Variants in WDTC1 observed in about 807,000 individuals in gnomAD.
WDTC1 encodes the protein WD and tetratricopeptide repeats 1, also known as WD and tetratricopeptide repeats protein 1.
In WDTC1, 12 loss-of-function variants were observed where a neutral mutation model predicts 76.0. That is an observed-to-expected ratio of 0.16 (90% CI 0.10 to 0.26). The LOEUF (loss-of-function observed/expected upper bound fraction) is 0.26, where lower values mean the gene tolerates loss of function less well. Ranked by LOEUF, WDTC1 falls within the 10% of genes least tolerant of loss-of-function variation. The pLI, the probability that WDTC1 is intolerant of heterozygous loss-of-function variation, is 1.00. For synonymous variants in WDTC1, 326 were observed against 350.8 expected, an observed-to-expected ratio of 0.93 and a Z score of 0.79; for missense variants, 511 against 908.8, an observed-to-expected ratio of 0.56 and a Z score of 5.63.
At chr1:27,288,920 G>A (rs1407604600) in intron 6 of WDTC1, among the ~76,000 whole-genome samples, 2 of 152,066 alleles carry the variant, frequency 1.3e-5, no homozygotes, top group Non-Finnish European at 2.9e-5. Context: ...CTTCCCAGTA[G>A]GGGTGGCCGG....
chr1:27,239,828 C>CAAA (rs1386333677), intron 1 of WDTC1, among the ~76,000 whole-genome samples: 1 of 147,826 alleles, frequency 6.8e-6, no homozygotes, highest in Non-Finnish European at 1.5e-5. Flanking sequence ...AAAAAAAAAC[C>CAAA]AAAAAAACCC....
At chr1:27,259,845 A>T (rs1570950192) in intron 1 of WDTC1, among the ~76,000 whole-genome samples, 1 of 146,934 alleles carries the variant, frequency 6.8e-6, no homozygotes, top group Non-Finnish European at 1.5e-5. Flanking sequence ...AGATGGCGAG[A>T]CTCCATCTCT....
intron 1 of WDTC1, among the ~76,000 whole-genome samples, chr1:27,240,302 A>T (rs979044217): frequency 6.6e-6 from 1 of 152,204 alleles, no homozygotes; most frequent in Non-Finnish European, 1.5e-5. Flanking sequence ...AAAGTTAAGG[A>T]ATATGCTGGA....
In WDTC1 at chr1:27,294,508, C is replaced by T; in HGVS notation, c.758-6C>T. The T allele has an allele frequency of 4.3e-6, 7 of 1,613,934 alleles. No individual in the cohort carries two copies. Among genetic ancestry groups the T allele is most frequent in the Non-Finnish European group, 5.9e-6 (7 of 1,179,796 alleles). ...GACCCTAGTATGACTGGGCTATTCC[C>T]TGCAGGTCACCTGCCAGTGAAGCTT... On this transcript the variant is annotated splice_region_variant and splice_polypyrimidine_tract_variant and intron_variant, in intron 8 of 15. Transcript: ENST00000319394.
intron 6 of WDTC1, among the ~76,000 whole-genome samples, chr1:27,290,402 T>C (rs1024348565): frequency 6.6e-6 from 1 of 152,180 alleles, no homozygotes; most frequent in Non-Finnish European, 1.5e-5. Flanking sequence ...TTTTTACTTA[T>C]TGGTTTACTT....
intron 3 of WDTC1, among the ~76,000 whole-genome samples, chr1:27,275,624 A>T (rs1409614355): frequency 1.3e-5 from 2 of 151,950 alleles, no homozygotes; most frequent in African/African-American, 2.4e-5. Flanking sequence ...TCTCAAAAAA[A>T]AAAAAAAAAT....
At position 27,261,047 on chromosome 1, in the gene WDTC1, A is replaced by T. The variant is rs1051475403; in HGVS notation, c.-8A>T. On this transcript the variant is annotated 5_prime_UTR_variant, in exon 2 of 16. Coordinates refer to ENST00000319394, the MANE Select transcript of WDTC1 (RefSeq NM_001276252.2). ...TATAGCTTCCTTCTGTTGAACCATT[A>T]AGAAAAGATGGCGAAAGTCAACATA... The T allele has an allele frequency of 1.9e-6, 3 of 1,614,024 alleles. No individual in the cohort carries two copies. Among genetic ancestry groups the T allele is most frequent in the Non-Finnish European group, 2.5e-6 (3 of 1,180,028 alleles).
intron 6 of WDTC1, 98 bp downstream of exon 6, chr1:27,287,959 G>T (rs1246322344): frequency 3.5e-6 from 5 of 1,425,386 alleles, no homozygotes; most frequent in Non-Finnish European, 4.7e-6. Flanking sequence ...TCCAGCAGAG[G>T]TCCAACCTCC....
chr1:27,278,717 C>T (rs2013105042), intron 3 of WDTC1, among the ~76,000 whole-genome samples: 1 of 152,146 alleles, frequency 6.6e-6, no homozygotes, highest in African/African-American at 2.4e-5. Context: ...AATGCTTTTC[C>T]TTCACATCTT....
At chr1:27,276,465 C>T (rs2013030317) in intron 3 of WDTC1, among the ~76,000 whole-genome samples, 1 of 152,082 alleles carries the variant, frequency 6.6e-6, no homozygotes, top group Non-Finnish European at 1.5e-5. Context: ...GAGGCCGAAG[C>T]AGGCAGATCA....
intron 3 of WDTC1, among the ~76,000 whole-genome samples, chr1:27,269,031 A>G (rs2012769732): frequency 6.7e-6 from 1 of 149,982 alleles, no homozygotes; most frequent in Non-Finnish European, 1.5e-5. Context: ...ACTTTTTTAA[A>G]TTAAAAATGT....
intron 1 of WDTC1, among the ~76,000 whole-genome samples, chr1:27,247,655 A>T (rs991980281): frequency 1.3e-5 from 2 of 150,006 alleles, no homozygotes; most frequent in Admixed American, 6.6e-5. Context: ...AAAGGATATG[A>T]TCTCATTCTT....
At chr1:27,270,057 C>T (rs2012822110) in intron 3 of WDTC1, among the ~76,000 whole-genome samples, 1 of 152,034 alleles carries the variant, frequency 6.6e-6, no homozygotes, top group Admixed American at 6.6e-5. Context: ...CCTACCTCAG[C>T]CTCCTGAGCA....
At chr1:27,297,813 C>G (rs190624238) in intron 11 of WDTC1, 125 bp from the exon 12 acceptor site, 104 of 995,198 alleles carry the variant, frequency 1.0e-4, no homozygotes, top group Middle Eastern at 5.8e-4. Context: ...GTCCCCTCTT[C>G]CAGATAGCAG....
intron 1 of WDTC1, among the ~76,000 whole-genome samples, chr1:27,260,518 T>A (rs2012444253): frequency 6.6e-6 from 1 of 152,196 alleles, no homozygotes; most frequent in South Asian, 2.1e-4. Flanking sequence ...TTGAGAGTTC[T>A]GTCTGTGATA....
rs1391040532 is a variant in WDTC1 at position 27,298,105 on chromosome 1, G to A, written c.1226G>A (p.Arg409His). The A allele has an allele frequency of 1.2e-6, 2 of 1,606,500 alleles. No homozygotes were observed. The highest frequency in any genetic ancestry group is 1.7e-6 in the Non-Finnish European group (2 of 1,174,936). Residue 409 changes from arginine (R) to histidine (H), a missense_variant, in exon 12 of 16, where the codon CGC becomes CAC. By Grantham distance (29) the Arg-to-His change is conservative. Transcript: ENST00000319394. ...AACCGAGCAGCAGCCTACATGAAGC[G>A]CAAGTGGTGAGTGGCCACTGCAGAG... Reference protein sequence around the residue: ...YGNRAAAYMKRKWDGDHYDAL... With the variant: ...YGNRAAAYMKHKWDGDHYDAL...
intron 9 of WDTC1, 71 bp from the exon 10 acceptor site, chr1:27,296,255 A>AC (rs1423000914): frequency 1.7e-5 from 27 of 1,570,970 alleles, no homozygotes; most frequent in Non-Finnish European, 1.8e-5. Context: ...AGAAACCAAG[A>AC]CCTGCTTACT....
chr1:27,304,766 A>G, intron 14 of WDTC1: 1 of 429,134 alleles, frequency 2.3e-6, no homozygotes, highest in East Asian at 3.8e-5. Context: ...GTAATAATGA[A>G]CTATAGGGGA....
chr1:27,239,343 C>T (rs2147896774), intron 1 of WDTC1, among the ~76,000 whole-genome samples: 1 of 149,798 alleles, frequency 6.7e-6, no homozygotes, highest in East Asian at 2.0e-4. Flanking sequence ...CATAGTGAAA[C>T]CCAGTCTCTA....
Sources: gnomAD v4.1 joint callset for allele counts (sites outside exome capture counted in the v4.1 genomes callset) on GRCh38, gnomAD v4.1.1 for gene constraint, MANE v1.5 for transcripts, NCBI Gene and HGNC (gene_info 2026-07-23, HGNC 2026-07-21) for gene names.